Variants in DLGAP1 observed in about 807,000 individuals in gnomAD.
DLGAP1 encodes disks large-associated protein 1.
DLGAP1 carries 11 observed loss-of-function variants against 90.8 expected under a neutral mutation model. That is an observed-to-expected ratio of 0.12 (90% CI 0.08 to 0.20). The LOEUF (loss-of-function observed/expected upper bound fraction) is 0.20. Ranked by LOEUF, DLGAP1 falls within the 10% of genes least tolerant of loss-of-function variation. The probability of loss-of-function intolerance (pLI) is 1.00; values close to 1 mark genes in which losing one functional copy is unlikely to be tolerated. For synonymous variants in DLGAP1, 558 were observed against 540.7 expected, an observed-to-expected ratio of 1.03 and a Z score of -0.44; for missense variants, 1,050 against 1,333.8, an observed-to-expected ratio of 0.79 and a Z score of 3.31.
intron 5 of DLGAP1, among the ~76,000 whole-genome samples, chr18:3,801,530 A>G (rs546739870): frequency 1.3e-5 from 2 of 152,288 alleles, no homozygotes; most frequent in African/African-American, 2.4e-5. Flanking sequence ...TGACACTTCT[A>G]GCTCTGTGAC....
intron 7 of DLGAP1, among the ~76,000 whole-genome samples, chr18:3,610,846 T>TA (rs1484719177): frequency 6.7e-6 from 1 of 148,820 alleles, no homozygotes; most frequent in Non-Finnish European, 1.5e-5. Context: ...CTCAAAAAAA[T>TA]AAAAAAAGAT....
intron 9 of DLGAP1, among the ~76,000 whole-genome samples, chr18:3,552,690 T>C (rs1019815039): frequency 3.3e-5 from 5 of 152,208 alleles, no homozygotes; most frequent in Non-Finnish European, 7.3e-5. Context: ...CAGAGACCCT[T>C]AGTTTTAGCC....
chr18:3,914,830 A>ATTGC (rs1211998270), intron 3 of DLGAP1, among the ~76,000 whole-genome samples: 2 of 152,074 alleles, frequency 1.3e-5, no homozygotes, highest in Non-Finnish European at 2.9e-5. Flanking sequence ...GCTCACAGCA[A>ATTGC]CCTCCACCTC....
chr18:4,126,993 C>CTGCCTTA lies in DLGAP1; in HGVS notation c.-159+24186_-159+24187insTAAGGCA, dbSNP rs571207365. Among the ~76,000 whole-genome samples, 197 of 152,298 alleles carry CTGCCTTA rather than the reference C, an allele frequency of 1.3e-3. 1 individual carries two copies. Among genetic ancestry groups the CTGCCTTA allele is most frequent in the Non-Finnish European group, 2.3e-3 (158 of 68,010 alleles). On this transcript the variant is annotated intron_variant, in intron 2 of 12. Transcript: ENST00000315677. Reference sequence around the variant, plus strand: ...CACTTCATTTATAGCACTAACCCTTCAGTTCTGCCTTAAGATCAGATTTGC... The same window carrying CTGCCTTA: ...CACTTCATTTATAGCACTAACCCTTCTGCCTTAAGTTCTGCCTTAAGATCAGATTTGC...
intron 1 of DLGAP1, among the ~76,000 whole-genome samples, chr18:4,258,010 TGCGCGC>T (rs57523543): frequency 2.9e-5 from 4 of 137,110 alleles, no homozygotes; most frequent in Middle Eastern, 3.8e-3. Context: ...TGTGTGTGTG[TGCGCGC>T]GCGCGCGTAT....
chr18:3,977,151 T>C, intron 3 of DLGAP1, among the ~76,000 whole-genome samples: 1 of 152,152 alleles, frequency 6.6e-6, no homozygotes, highest in South Asian at 2.1e-4. Context: ...CTCGGCTCAC[T>C]GCAACCTCTG....
chr18:4,265,854 CT>C (rs1227572122), intron 1 of DLGAP1, among the ~76,000 whole-genome samples: 2 of 151,424 alleles, frequency 1.3e-5, no homozygotes, highest in South Asian at 2.1e-4. Flanking sequence ...TACCTGGCTA[CT>C]TTTTTTGTTT....
chr18:4,389,750 C>T (rs890838418), intron 1 of DLGAP1, among the ~76,000 whole-genome samples: 30 of 152,168 alleles, frequency 2.0e-4, no homozygotes, highest in Admixed American at 8.5e-4. Flanking sequence ...ATGTACATCT[C>T]CAATGTGCTT....
intron 4 of DLGAP1, among the ~76,000 whole-genome samples, chr18:3,820,938 G>T (rs1301590864): frequency 6.6e-6 from 1 of 152,150 alleles, no homozygotes; most frequent in Admixed American, 6.6e-5. Context: ...TTTAATCTTT[G>T]CAACAGTTGT....
At chr18:4,239,627 A>G (rs547935931) in intron 1 of DLGAP1, among the ~76,000 whole-genome samples, 12 of 152,336 alleles carry the variant, frequency 7.9e-5, no homozygotes, top group Non-Finnish European at 1.8e-4. Context: ...TATTCAGGGT[A>G]AGTGGCTCTG....
At chr18:3,734,091 T>C (rs975056797) in intron 6 of DLGAP1, among the ~76,000 whole-genome samples, 1 of 152,206 alleles carries the variant, frequency 6.6e-6, no homozygotes, top group African/African-American at 2.4e-5. Flanking sequence ...ACTTTTTATT[T>C]CAGGAGAGTT....
chr18:4,060,891 T>C lies in DLGAP1; in HGVS notation c.-158-55690A>G, dbSNP rs570311640. 2.6e-5 allele frequency among the ~76,000 whole-genome samples: 4 copies of C among 152,250 alleles called. No individual in the cohort carries two copies. In the South Asian group the frequency reaches 8.3e-4, roughly 32 times the overall value. On this transcript the variant is annotated intron_variant, in intron 2 of 12. Coordinates refer to ENST00000315677, the MANE Select transcript of DLGAP1 (RefSeq NM_004746.4). ...TCTATGTAAGTCATGAGAAAATTCA[T>C]GAAAGGAAATTTATGAAAGAAATGT...
chr18:4,330,913 A>G (rs1422278715), intron 1 of DLGAP1, among the ~76,000 whole-genome samples: 4 of 151,774 alleles, frequency 2.6e-5, no homozygotes, highest in Non-Finnish European at 4.4e-5. Flanking sequence ...TACTTGTTCT[A>G]TCAGTTACTG....
chr18:3,708,501 C>T, intron 7 of DLGAP1: 1 of 456,584 alleles, frequency 2.2e-6, no homozygotes, highest in Non-Finnish European at 4.4e-6. Context: ...GTCAAGGCTC[C>T]CTGCAAAGGA....
intron 1 of DLGAP1, among the ~76,000 whole-genome samples, chr18:4,165,865 G>C (rs2076924646): frequency 1.3e-5 from 2 of 152,100 alleles, no homozygotes; most frequent in African/African-American, 4.8e-5. Context: ...AAAATACAGA[G>C]AGAACATCAA....
At chr18:3,543,265 C>T (rs984070118) in intron 9 of DLGAP1, among the ~76,000 whole-genome samples, 5 of 151,366 alleles carry the variant, frequency 3.3e-5, no homozygotes, top group Admixed American at 6.6e-5. Context: ...CCGCCTCCCG[C>T]GTTCACGCCA....
At chr18:3,684,661 G>A (rs1694834801) in intron 7 of DLGAP1, among the ~76,000 whole-genome samples, 2 of 152,166 alleles carry the variant, frequency 1.3e-5, no homozygotes, top group African/African-American at 2.4e-5. Context: ...AAGACAACGG[G>A]GTTGGGGCAC....
chr18:4,420,039 G>T (rs1184969218), intron 1 of DLGAP1, among the ~76,000 whole-genome samples: 1 of 152,000 alleles, frequency 6.6e-6, no homozygotes, highest in African/African-American at 2.4e-5. Flanking sequence ...AGAAAGCAAG[G>T]GTAGCTATGC....
intron 2 of DLGAP1, among the ~76,000 whole-genome samples, chr18:4,102,067 TA>T (rs2075787463): frequency 6.6e-6 from 1 of 152,136 alleles, no homozygotes; most frequent in Non-Finnish European, 1.5e-5. Flanking sequence ...ATATATGCTT[TA>T]AAAGGACTGC....
Sources: allele counts gnomAD v4.1 joint callset (sites outside exome capture counted in the v4.1 genomes callset), GRCh38; gene constraint gnomAD v4.1.1; transcripts MANE v1.5; gene names NCBI Gene and HGNC (gene_info 2026-07-23, HGNC 2026-07-21).